UGT1A10: variants seen among roughly 807,000 people sequenced by gnomAD.
UGT1A10 encodes the protein UDP glucuronosyltransferase family 1 member A10.
In UGT1A10, 49 loss-of-function variants were observed where a neutral mutation model predicts 45.8. The observed-to-expected ratio is 1.07, with a 90% confidence interval of 0.85 to 1.36. UGT1A10 has a LOEUF of 1.36. UGT1A10 is among the 40% of genes most tolerant of loss of function. The pLI is 0.00. For synonymous variants in UGT1A10, 284 were observed against 249.7 expected (o/e 1.14, Z -1.29); for missense variants, 745 against 668.6 (o/e 1.11, Z -1.26).
At chr2:233,697,374 A>T (rs1382201272) in intron 1 of UGT1A10, among the ~76,000 whole-genome samples, 1 of 152,066 alleles carries the variant, frequency 6.6e-6, no homozygotes, top group East Asian at 1.9e-4. Flanking sequence ...TATAGAGTTC[A>T]CAATAATCGC....
chr2:233,693,801 C>T (rs774342774), intron 1 of UGT1A10: 45 of 1,614,038 alleles, frequency 2.8e-5, no homozygotes, highest in Non-Finnish European at 3.3e-5. Flanking sequence ...TATCCTAGGC[C>T]GGTCATGCCC....
At chr2:233,760,915 GT>G in intron 1 of UGT1A10, 1 of 1,614,180 alleles carries the variant, frequency 6.2e-7, no homozygotes, top group Non-Finnish European at 8.5e-7. Context: ...CCTGCAGCGG[GT>G]GAAGAACATG....
At chr2:233,739,217 T>C (rs913655982) in intron 1 of UGT1A10, among the ~76,000 whole-genome samples, 1 of 152,096 alleles carries the variant, frequency 6.6e-6, no homozygotes, top group Non-Finnish European at 1.5e-5. Flanking sequence ...ATGGATAGAG[T>C]CCTTATAGAG....
intron 1 of UGT1A10, among the ~76,000 whole-genome samples, chr2:233,646,119 C>A (rs1462274348): frequency 6.6e-6 from 1 of 152,236 alleles, no homozygotes; most frequent in Non-Finnish European, 1.5e-5. Flanking sequence ...TCGGCACTTG[C>A]ACCTTCTGAA....
intron 1 of UGT1A10, among the ~76,000 whole-genome samples, chr2:233,686,505 G>A (rs1407378140): frequency 6.6e-6 from 1 of 152,032 alleles, no homozygotes; most frequent in Non-Finnish European, 1.5e-5. Context: ...GTGAGCCCAG[G>A]TGGAGCCTCC....
chr2:233,754,024 C>T (rs763970261), intron 1 of UGT1A10, among the ~76,000 whole-genome samples: 4 of 152,198 alleles, frequency 2.6e-5, no homozygotes, highest in Non-Finnish European at 5.9e-5. Flanking sequence ...TGATAGGAAA[C>T]GAATGCATCC....
intron 1 of UGT1A10, among the ~76,000 whole-genome samples, chr2:233,685,636 G>A (rs931333739): frequency 3.3e-5 from 5 of 152,138 alleles, no homozygotes; most frequent in Non-Finnish European, 4.4e-5. Context: ...CAAAGTTTTC[G>A]AACATATACC....
Position 233,707,673 on chromosome 2 carries a change from C to T in UGT1A10, c.856-59361C>T, listed in dbSNP as rs184821134. Among the ~76,000 whole-genome samples the T allele has an allele frequency of 1.2e-3, 184 of 152,082 alleles. 1 individual carries two copies. The highest frequency in any genetic ancestry group is 4.2e-3 in the African/African-American group (173 of 41,484). On this transcript the variant is annotated intron_variant, in intron 1 of 4. Coordinates refer to ENST00000344644, the MANE Select transcript of UGT1A10 (RefSeq NM_019075.4). ...ACCACAATTTTATTTATCCATTCTA[C>T]TGTTGATGGGCTTTGGGTTGTATCT...
chr2:233,645,546 G>T (rs2125469212), intron 1 of UGT1A10, among the ~76,000 whole-genome samples: 3 of 152,340 alleles, frequency 2.0e-5, no homozygotes, highest in Middle Eastern at 6.8e-3. Flanking sequence ...TACAGGTATT[G>T]GGTAAATACA....
At chr2:233,729,423 G>A in intron 1 of UGT1A10, 2 of 1,613,822 alleles carry the variant, frequency 1.2e-6, no homozygotes, top group East Asian at 4.5e-5. Flanking sequence ...ACACTCAACT[G>A]TACTTTGAAA....
At chr2:233,770,794 T>A (rs1195503821) in intron 4 of UGT1A10, 2 of 152,196 alleles carry the variant, frequency 1.3e-5, no homozygotes, top group Non-Finnish European at 2.9e-5. Flanking sequence ...ATTATAGATA[T>A]GTTTAAAGAC....
In UGT1A10 at chr2:233,744,339, T is replaced by C. The variant is rs368123082; in HGVS notation, c.856-22695T>C. Among the ~76,000 whole-genome samples, 73 of 151,998 alleles carry C rather than the reference T, an allele frequency of 4.8e-4. No individual in the cohort carries two copies. The East Asian group carries it at 9.6e-3, about 20-fold the overall frequency. ...GTGGTGGGAGTGAGTTTAGTCTGAC[T>C]GGGGCTGAAGACATCCTGTTGTTTA... On this transcript the variant is annotated intron_variant, in intron 1 of 4. Coordinates refer to ENST00000344644, the MANE Select transcript of UGT1A10 (RefSeq NM_019075.4).
intron 1 of UGT1A10, among the ~76,000 whole-genome samples, chr2:233,731,462 C>A (rs1354411631): frequency 6.6e-6 from 1 of 152,008 alleles, no homozygotes; most frequent in Non-Finnish European, 1.5e-5. Flanking sequence ...CAGGCCCTGG[C>A]GTGTGATGTT....
At chr2:233,743,851 C>G in intron 1 of UGT1A10, 1 of 1,367,244 alleles carries the variant, frequency 7.3e-7, no homozygotes, top group Non-Finnish European at 9.8e-7. Context: ...GCTTGCGGTA[C>G]GCCTTCTTGA....
intron 1 of UGT1A10, chr2:233,690,545 A>G (rs1443956846): frequency 9.3e-6 from 12 of 1,289,642 alleles, no homozygotes; most frequent in Non-Finnish European, 1.1e-5. Flanking sequence ...CCCCACTGGA[A>G]TATGTCCCAA....
intron 1 of UGT1A10, among the ~76,000 whole-genome samples, chr2:233,658,744 T>C (rs1483456557): frequency 2.0e-5 from 3 of 152,242 alleles, no homozygotes; most frequent in Non-Finnish European, 4.4e-5. Flanking sequence ...TTTTCTCCAC[T>C]GAATTGTCTT....
At chr2:233,724,236 C>T (rs1274284123) in intron 1 of UGT1A10, among the ~76,000 whole-genome samples, 29 of 110,938 alleles carry the variant, frequency 2.6e-4, no homozygotes, top group East Asian at 8.5e-4. Flanking sequence ...TAGGGGCGGC[C>T]GGGCAGAGGC....
chr2:233,661,633 TTCTTTC>T (rs1383607991), intron 1 of UGT1A10, among the ~76,000 whole-genome samples: 1 of 132,260 alleles, frequency 7.6e-6, no homozygotes, highest in Non-Finnish European at 1.7e-5. Flanking sequence ...TTTTCTTTCT[TTCTTTC>T]TTTCTTTCTT....
intron 1 of UGT1A10, among the ~76,000 whole-genome samples, chr2:233,647,124 G>A (rs752045421): frequency 5.3e-5 from 8 of 152,144 alleles, no homozygotes; most frequent in Non-Finnish European, 1.0e-4. Flanking sequence ...ACCAGATCTC[G>A]TGAGACTTAC....
Sources: gnomAD v4.1 joint callset for allele counts (sites outside exome capture counted in the v4.1 genomes callset) on GRCh38, gnomAD v4.1.1 for gene constraint, MANE v1.5 for transcripts, NCBI Gene and HGNC (gene_info 2026-07-23, HGNC 2026-07-21) for gene names.